Variants in ATAD1 observed in about 807,000 individuals in gnomAD.
ATAD1 encodes outer mitochondrial transmembrane helix translocase.
A neutral mutation model predicts 42.7 loss-of-function variants in ATAD1; 18 were observed. That is an observed-to-expected ratio of 0.42 (90% CI 0.29 to 0.63). ATAD1 has a LOEUF of 0.63. ATAD1 is among the 20% of genes least tolerant of loss of function. ATAD1 has a pLI of 0.19. For missense variants in ATAD1, 294 were observed against 440.4 expected (o/e 0.67, Z 2.98); for synonymous variants, 132 against 143.1 (o/e 0.92, Z 0.55).
chr10:87,784,383 C>T, intron 5 of ATAD1, 87 bp downstream of exon 5: 1 of 1,224,492 alleles, frequency 8.2e-7, no homozygotes, highest in South Asian at 1.3e-5. Context: ...ATTAACATGG[C>T]CTAATAAATG....
At chr10:87,766,498 C>T (rs1214915468) in intron 8 of ATAD1, among the ~76,000 whole-genome samples, 2 of 151,914 alleles carry the variant, frequency 1.3e-5, no homozygotes, top group African/African-American at 2.4e-5. Flanking sequence ...AAGCAATGCA[C>T]AGAACAGTGT....
intron 1 of ATAD1, among the ~76,000 whole-genome samples, chr10:87,830,196 T>C (rs757926416): frequency 8.5e-5 from 13 of 152,172 alleles, no homozygotes; most frequent in Non-Finnish European, 1.5e-4. Flanking sequence ...GAAATAGCAG[T>C]ATAGTAAGGG....
intron 6 of ATAD1, among the ~76,000 whole-genome samples, chr10:87,773,108 C>T (rs1315876119): frequency 6.6e-6 from 1 of 152,086 alleles, no homozygotes; most frequent in Non-Finnish European, 1.5e-5. Context: ...CTCCCCAAGA[C>T]ACAAATTTAT....
At chr10:87,803,029 A>C (rs957216337) in intron 2 of ATAD1, among the ~76,000 whole-genome samples, 2 of 152,346 alleles carry the variant, frequency 1.3e-5, no homozygotes, top group African/African-American at 4.8e-5. Flanking sequence ...TTCAGAAGAA[A>C]AGAACAGCAA....
At chr10:87,821,060 T>G (rs963522359), upstream of ATAD1, among the ~76,000 whole-genome samples, 1 of 152,094 alleles carries the variant, frequency 6.6e-6, no homozygotes, top group Non-Finnish European at 1.5e-5. Flanking sequence ...TCTAGAAAGT[T>G]TTTGGGTTTT....
chr10:87,776,206 A>C, intron 6 of ATAD1, 115 bp downstream of exon 6: 2 of 717,372 alleles, frequency 2.8e-6, no homozygotes, highest in Non-Finnish European at 4.8e-6. Flanking sequence ...CTTAGTCATA[A>C]GTGTAAATAA....
At chr10:87,776,542 C>G (rs762638935) in intron 5 of ATAD1, 115 bp from the exon 6 acceptor site, 17 of 724,420 alleles carry the variant, frequency 2.3e-5, no homozygotes, top group Non-Finnish European at 3.9e-5. Context: ...AATTACAGCA[C>G]ATTGCAACCT....
Position 87,754,386 on chromosome 10 carries a change from T to C in ATAD1, c.*301A>G, listed in dbSNP as rs1854129336. On this transcript the variant is annotated 3_prime_UTR_variant, in exon 10 of 10. Transcript: ENST00000680024. ...TCCCCGTTTCTCACTAATGACCCAA[T>C]GAATCATTTATGACTTTAAGACCAG... The C allele has an allele frequency of 5.4e-6, 1 of 184,896 alleles. No homozygotes were observed. Among genetic ancestry groups the C allele is most frequent in the Admixed American group, 5.7e-5 (1 of 17,466 alleles). 11.5% of individuals were successfully genotyped at this position (184,896 alleles called of 1,614,324 possible).
At chr10:87,778,720 T>C (rs939442644) in intron 5 of ATAD1, among the ~76,000 whole-genome samples, 2 of 152,150 alleles carry the variant, frequency 1.3e-5, no homozygotes, top group African/African-American at 4.8e-5. Context: ...ATTACAGATG[T>C]TCAATCTGTA....
intron 3 of ATAD1, among the ~76,000 whole-genome samples, chr10:87,791,311 AACTTGTCCTGAAAGGACTGGC>A (rs1207398643): frequency 1.3e-5 from 2 of 152,258 alleles, no homozygotes; most frequent in Admixed American, 6.5e-5. Context: ...AACCTGATTC[AACTTGTCCTGAAAGGACTGGC>A]ACTTGTCCTG....
intron 2 of ATAD1, among the ~76,000 whole-genome samples, chr10:87,813,923 C>CTG (rs1354451855): frequency 5.9e-5 from 9 of 151,920 alleles, no homozygotes; most frequent in Non-Finnish European, 1.2e-4. Context: ...AACCAATCAC[C>CTG]TTTAAAAGGA....
intron 2 of ATAD1, among the ~76,000 whole-genome samples, chr10:87,808,896 G>A (rs548196837): frequency 6.6e-6 from 1 of 152,170 alleles, no homozygotes; most frequent in African/African-American, 2.4e-5. Flanking sequence ...AGTTATGCTA[G>A]CCTCACAAAA....
intron 1 of ATAD1, among the ~76,000 whole-genome samples, chr10:87,825,935 GC>G (rs1857720589): frequency 6.6e-6 from 1 of 152,120 alleles, no homozygotes; most frequent in South Asian, 2.1e-4. Context: ...AGTTGAGGGA[GC>G]TTTACTGAGC....
intron 7 of ATAD1, among the ~76,000 whole-genome samples, chr10:87,768,422 AC>A (rs1196622339): frequency 6.6e-6 from 1 of 152,220 alleles, no homozygotes; most frequent in African/African-American, 2.4e-5. Flanking sequence ...TACTTGAAAA[AC>A]AAACCAAACT....
chr10:87,774,647 C>T (rs1473055983), intron 6 of ATAD1, among the ~76,000 whole-genome samples: 7 of 151,952 alleles, frequency 4.6e-5, no homozygotes, highest in South Asian at 2.1e-4. Context: ...ATGAAAGAGA[C>T]GTTAAAAAAG....
At chr10:87,755,174 AATT>A (rs1854165747) in intron 9 of ATAD1, among the ~76,000 whole-genome samples, 1 of 152,240 alleles carries the variant, frequency 6.6e-6, no homozygotes, top group African/African-American at 2.4e-5. Context: ...ATATAATTCC[AATT>A]TAAAAAATCA....
chr10:87,784,810 G>A, intron 4 of ATAD1, 140 bp from the exon 5 acceptor site: 3 of 765,624 alleles, frequency 3.9e-6, no homozygotes, highest in Non-Finnish European at 6.1e-6. Context: ...TTTATAGTAG[G>A]TAAGATAGAA....
intron 8 of ATAD1, among the ~76,000 whole-genome samples, chr10:87,760,990 A>G (rs1854457270): frequency 6.6e-6 from 1 of 152,320 alleles, no homozygotes; most frequent in Non-Finnish European, 1.5e-5. Flanking sequence ...TAATTGTAAA[A>G]GAGTAGAACA....
chr10:87,790,217 T>A, intron 4 of ATAD1, 93 bp downstream of exon 4: 1 of 1,445,924 alleles, frequency 6.9e-7, no homozygotes, highest in Non-Finnish European at 9.4e-7. Context: ...CTCTTGAGAA[T>A]CTGATTTCAC....
Sources: allele counts gnomAD v4.1 joint callset (sites outside exome capture counted in the v4.1 genomes callset), GRCh38; gene constraint gnomAD v4.1.1; transcripts MANE v1.5; gene names NCBI Gene and HGNC (gene_info 2026-07-23, HGNC 2026-07-21).